The following TIMP4 variants were observed in gnomAD, a reference collection of about 807,000 sequenced individuals.
TIMP4 encodes TIMP metallopeptidase inhibitor 4, also known as metalloproteinase inhibitor 4.
Under a neutral mutation model 27.3 loss-of-function variants are expected in TIMP4, and 28 were observed. That is an observed-to-expected ratio of 1.03 (90% CI 0.76 to 1.41). TIMP4 has a LOEUF of 1.41. TIMP4 is among the 40% of genes most tolerant of loss of function. The pLI is 0.00. For synonymous variants in TIMP4, 138 were observed against 115.5 expected, an observed-to-expected ratio of 1.20 and a Z score of -1.25; for missense variants, 307 against 285.5, an observed-to-expected ratio of 1.08 and a Z score of -0.54.
intron 1 of TIMP4, among the ~76,000 whole-genome samples, chr3:12,158,294 T>C (rs1697518959): frequency 6.6e-6 from 1 of 152,144 alleles, no homozygotes; most frequent in African/African-American, 2.4e-5. Context: ...TGTGTTGCCA[T>C]AGGGGCTTGG....
chr3:12,155,354 T>TC (rs1382140003), intron 3 of TIMP4, among the ~76,000 whole-genome samples: 11 of 152,230 alleles, frequency 7.2e-5, no homozygotes, highest in Non-Finnish European at 1.6e-4. Flanking sequence ...ATTATTTCCA[T>TC]CTATGGAAGG....
intron 2 of TIMP4, 72 bp downstream of exon 2, chr3:12,157,313 C>T: frequency 7.0e-7 from 1 of 1,438,810 alleles, no homozygotes. Context: ...AAGCTACCAG[C>T]CCTCCCAGAA....
chr3:12,154,325 A>G lies in TIMP4; in HGVS notation c.477+2T>C, dbSNP rs1278148436. On this transcript the variant is annotated splice_donor_variant, in intron 4 of 4. Transcript: ENST00000287814. LOFTEE classifies it high-confidence loss of function. ...AGACTTTGGAAATGGACATTCCCTT[A>G]CTTGGCAGCCACAGTTCAGATGGTA... 1 of 1,614,072 alleles carries G rather than the reference A, an allele frequency of 6.2e-7. No homozygotes were observed. Among genetic ancestry groups the G allele is most frequent in the Non-Finnish European group, 8.5e-7 (1 of 1,180,034 alleles).
In TIMP4 at chr3:12,153,604, CAT is replaced by C. The variant is rs1697368057; in HGVS notation, c.584_585del (p.Tyr195CysfsTer7). 6.2e-7 allele frequency: 1 copy of C among 1,614,072 alleles called. No individual in the cohort carries two copies. ...GTGCCGTCAACATGCTTCATACAGACATAATGCTGAGCCTGGTAACCATAGAG... is the reference window on the plus strand; with the variant it reads ...GTGCCGTCAACATGCTTCATACAGACAATGCTGAGCCTGGTAACCATAGAG... ...RKLYGYQAQHYVCMKHVDGTC... is the reference protein window; with the variant it reads ...RKLYGYQAQHXVCMKHVDGTC... On this transcript the variant is annotated frameshift_variant, in exon 5 of 5. Coordinates refer to ENST00000287814, the MANE Select transcript of TIMP4 (RefSeq NM_003256.4). LOFTEE classifies it high-confidence loss of function.
chr3:12,153,401 C>G lies in TIMP4; in HGVS notation c.*114G>C. The G allele has an allele frequency of 7.9e-7, 1 of 1,268,334 alleles. No homozygotes were observed. Among genetic ancestry groups the G allele is most frequent in the South Asian group, 1.3e-5 (1 of 79,294 alleles). The allele number at this position is 1,268,334 out of a possible 1,614,324, so 78.6% of individuals were successfully genotyped here. A position where few individuals can be genotyped will look rare whatever the true frequency, so the allele number is the denominator to read the frequency against. On this transcript the variant is annotated 3_prime_UTR_variant, in exon 5 of 5. Transcript: ENST00000287814. ...CAGTGGCCAGACTGTCCACTTGGCACTTCTTATTAGCTGGCAGCAAGAGGT... is the reference window on the plus strand; with the variant it reads ...CAGTGGCCAGACTGTCCACTTGGCAGTTCTTATTAGCTGGCAGCAAGAGGT...
At chr3:12,158,550 C>A in intron 1 of TIMP4, 152 bp downstream of exon 1, 2 of 1,160,066 alleles carry the variant, frequency 1.7e-6, no homozygotes, top group Non-Finnish European at 2.4e-6. Flanking sequence ...TGCTATGGCG[C>A]CTGGTCCTTC....
At chr3:12,157,840 TTATC>T (rs1697503908) in intron 1 of TIMP4, among the ~76,000 whole-genome samples, 1 of 147,428 alleles carries the variant, frequency 6.8e-6, no homozygotes, top group Non-Finnish European at 1.5e-5. Context: ...GGTGTGAAGT[TTATC>T]TATTGCTGTG....
At chr3:12,154,504 C>T (rs1697399294) in intron 3 of TIMP4, 53 bp from the exon 4 acceptor site, 2 of 1,600,758 alleles carry the variant, frequency 1.2e-6, no homozygotes, top group Admixed American at 1.7e-5. Flanking sequence ...TCCTGGAGCC[C>T]CAGGGGCCCA....
In TIMP4 at chr3:12,153,663, C is replaced by G; in HGVS notation, c.527G>C (p.Cys176Ser). Residue 176 changes from cysteine (C) to serine (S), a missense_variant, in exon 5 of 5, where the codon TGC becomes TCC. By Grantham distance (112) the Cys-to-Ser change is moderately radical. Transcript: ENST00000287814. ...TTCCAACAGCCAGTCTGTCCAGAGG[C>G]ACTCGTTAGGGGCCGAGATGGTACA... ...VPCTISAPNE[C>S]LWTDWLLERK... The G allele has an allele frequency of 6.2e-7, 1 of 1,614,204 alleles. No individual in the cohort carries two copies. Among genetic ancestry groups the G allele is most frequent in the Non-Finnish European group, 8.5e-7 (1 of 1,180,034 alleles).
intron 4 of TIMP4, 87 bp from the exon 5 acceptor site, chr3:12,153,799 G>A: frequency 1.4e-6 from 2 of 1,446,554 alleles, no homozygotes; most frequent in Non-Finnish European, 1.9e-6. Context: ...TACCTTTCCA[G>A]CCCATCTCAA....
chr3:12,158,770 G>C lies in TIMP4; in HGVS notation c.71C>G (p.Pro24Arg). ...GCAGCTGCATGCCTCACCCAGCCCCGGGGGCCGCAGCAACGCCAGCAGCCG... is the reference window on the plus strand; with the variant it reads ...GCAGCTGCATGCCTCACCCAGCCCCCGGGGCCGCAGCAACGCCAGCAGCCG... ...LLRLLALLRP[P>R]GLGEACSCAP... Residue 24 changes from proline (P) to arginine (R), a missense_variant, in exon 1 of 5, where the codon CCG becomes CGG. By Grantham distance (103) the Pro-to-Arg change is moderately radical (BLOSUM62 -2). Coordinates refer to ENST00000287814, the MANE Select transcript of TIMP4 (RefSeq NM_003256.4). The C allele has an allele frequency of 6.2e-7, 1 of 1,604,970 alleles. No individual in the cohort carries two copies. The highest frequency in any genetic ancestry group is 8.5e-7 in the Non-Finnish European group (1 of 1,178,508).
intron 3 of TIMP4, among the ~76,000 whole-genome samples, chr3:12,155,623 A>G (rs1697432462): frequency 6.6e-6 from 1 of 152,192 alleles, no homozygotes. Flanking sequence ...GGTCACAAAG[A>G]GCTTTCAACA....
Position 12,153,424 on chromosome 3 carries a change from G to A in TIMP4, c.*91C>T, listed in dbSNP as rs959970070. 7.0e-7 allele frequency: 1 copy of A among 1,429,796 alleles called. No individual in the cohort carries two copies. Among genetic ancestry groups the A allele is most frequent in the Non-Finnish European group, 9.8e-7 (1 of 1,016,172 alleles). The allele number at this position is 1,429,796 out of a possible 1,614,324, so 88.6% of individuals were successfully genotyped here. A position where few individuals can be genotyped will look rare whatever the true frequency, so the allele number is the denominator to read the frequency against. ...CACTTCTTATTAGCTGGCAGCAAGA[G>A]GTCAGGTGGTAATGGCCAAAGCTCT... On this transcript the variant is annotated 3_prime_UTR_variant, in exon 5 of 5. Transcript: ENST00000287814.
chr3:12,153,748 G>A (rs1697373427), intron 4 of TIMP4, 36 bp from the exon 5 acceptor site: 1 of 1,607,036 alleles, frequency 6.2e-7, no homozygotes, highest in African/African-American at 1.3e-5. Context: ...AAGTGAGTAG[G>A]GTGTCCTTCT....
chr3:12,158,906 T>C lies in TIMP4; in HGVS notation c.-66A>G. ...ACTGGACGGCCCCAGCAGGGCTCCT[T>C]CCCAAGGCCGTTGTGCCCCTCGCCC... On this transcript the variant is annotated 5_prime_UTR_variant, in exon 1 of 5. Transcript: ENST00000287814. 1 of 1,445,710 alleles carries C rather than the reference T, an allele frequency of 6.9e-7. No homozygotes were observed. The highest frequency in any genetic ancestry group is 9.1e-7 in the Non-Finnish European group (1 of 1,101,496). The allele number at this position is 1,445,710 out of a possible 1,614,324, so 89.6% of individuals were successfully genotyped here.
Position 12,157,379 on chromosome 3 carries a change from A to G in TIMP4, c.237+6T>C, listed in dbSNP as rs1697488842. 1.9e-6 allele frequency: 3 copies of G among 1,613,926 alleles called. No homozygotes were observed. The highest frequency in any genetic ancestry group is 2.5e-6 in the Non-Finnish European group (3 of 1,179,844). The stretch of plus-strand genomic sequence containing the variant: ...GGGCTACACATCCCAGCCTGCCCCC[A>G]TGTACCTTTATCTGTTTGATTTCAT... On this transcript the variant is annotated splice_donor_region_variant and intron_variant, in intron 2 of 4. Coordinates refer to ENST00000287814, the MANE Select transcript of TIMP4 (RefSeq NM_003256.4).
chr3:12,154,549 A>C, intron 3 of TIMP4, 98 bp from the exon 4 acceptor site: 1 of 1,438,432 alleles, frequency 7.0e-7, no homozygotes, highest in East Asian at 2.3e-5. Context: ...AGCCTCCCCA[A>C]TGACTTTGGT....
intron 2 of TIMP4, 37 bp from the exon 3 acceptor site, chr3:12,156,971 A>T: frequency 6.8e-7 from 1 of 1,467,108 alleles, no homozygotes; most frequent in Non-Finnish European, 9.6e-7. Flanking sequence ...ATATTGGGTC[A>T]GTGAGTGTAC....
Position 12,158,715 on chromosome 3 carries a change from G to A in TIMP4, c.126C>T (p.Cys42=), listed in dbSNP as rs781681986. The part of the protein sequence containing the change: ...CAPAHPQQHI[C]HSALVIRAKI... ...CCTCGGACTCACCAAGTGCCGAGTG[G>A]CAGATGTGCTGCTGAGGGTGCGCCG... Residue 42 remains cysteine, a synonymous_variant, in exon 1 of 5, where the codon TGC becomes TGT. Transcript: ENST00000287814. 3 of 1,610,286 alleles carry A rather than the reference G, an allele frequency of 1.9e-6. No individual in the cohort carries two copies. Among genetic ancestry groups the A allele is most frequent in the South Asian group, 1.1e-5 (1 of 91,058 alleles).
Sources: allele counts gnomAD v4.1 joint callset (sites outside exome capture counted in the v4.1 genomes callset), GRCh38; gene constraint gnomAD v4.1.1; transcripts MANE v1.5; gene names NCBI Gene and HGNC (gene_info 2026-07-23, HGNC 2026-07-21).